The following CERS3 variants were observed in gnomAD, a reference collection of about 807,000 sequenced individuals.
CERS3 encodes the protein LAG1 homolog, ceramide synthase 3.
A neutral mutation model predicts 50.3 loss-of-function variants in CERS3; 33 were observed. That is an observed-to-expected ratio of 0.66 (90% confidence interval 0.50 to 0.88). The LOEUF (loss-of-function observed/expected upper bound fraction) is 0.88, where lower values mean the gene tolerates loss of function less well. Among genes scored for constraint, CERS3 ranks in the 40% least tolerant of loss-of-function variants. The probability of loss-of-function intolerance (pLI) is 0.00; values close to 1 mark genes in which losing one functional copy is unlikely to be tolerated. For synonymous variants in CERS3, 176 were observed against 155.2 expected (o/e 1.13, Z -0.99); for missense variants, 470 against 460.3 (o/e 1.02, Z -0.19).
chr15:100,519,172 A>G (rs1044899376), intron 2 of CERS3, among the ~76,000 whole-genome samples: 2 of 146,572 alleles, frequency 1.4e-5, no homozygotes, highest in Non-Finnish European at 3.0e-5. Flanking sequence ...AAAAAAAAAA[A>G]TCCGCCAAAA....
intron 3 of CERS3, 72 bp downstream of exon 3, chr15:100,501,605 G>T: frequency 7.6e-7 from 1 of 1,320,910 alleles, no homozygotes; most frequent in Non-Finnish European, 1.1e-6. Flanking sequence ...ATCTCACTAA[G>T]CCTAAGACTG....
At chr15:100,489,300 G>A (rs2035580791) in intron 4 of CERS3, among the ~76,000 whole-genome samples, 2 of 152,164 alleles carry the variant, frequency 1.3e-5, no homozygotes, top group East Asian at 1.9e-4. Flanking sequence ...CCACTCATTA[G>A]CCGAACGACC....
intron 7 of CERS3, among the ~76,000 whole-genome samples, chr15:100,479,186 A>G (rs2035225124): frequency 2.0e-5 from 3 of 152,166 alleles, no homozygotes; most frequent in Non-Finnish European, 4.4e-5. Flanking sequence ...AGGTGGTACA[A>G]GTAAAAAATA....
intron 11 of CERS3, among the ~76,000 whole-genome samples, chr15:100,430,156 C>T (rs1567608376): frequency 6.6e-6 from 1 of 151,752 alleles, no homozygotes; most frequent in Non-Finnish European, 1.5e-5. Context: ...ACTAAAAATA[C>T]AAAAAGTTAG....
intron 11 of CERS3, among the ~76,000 whole-genome samples, chr15:100,407,824 G>C (rs947346483): frequency 6.6e-6 from 1 of 152,082 alleles, no homozygotes; most frequent in African/African-American, 2.4e-5. Context: ...GCAGTGTGTA[G>C]GTTACATGCA....
chr15:100,506,461 ACCCCCCCG>A (rs2036184703), intron 2 of CERS3, among the ~76,000 whole-genome samples: 1 of 30,410 alleles, frequency 3.3e-5, no homozygotes, highest in Non-Finnish European at 9.1e-5. Flanking sequence ...AGAAATCGGG[ACCCCCCCG>A]CCGCCCCACA....
At chr15:100,486,025 C>T (rs1170358777) in intron 4 of CERS3, among the ~76,000 whole-genome samples, 2 of 152,170 alleles carry the variant, frequency 1.3e-5, no homozygotes, top group Non-Finnish European at 2.9e-5. Context: ...ACATCATGTC[C>T]CAAAAGGCCA....
chr15:100,427,005 G>A (rs529269474), intron 11 of CERS3, among the ~76,000 whole-genome samples: 2 of 152,298 alleles, frequency 1.3e-5, no homozygotes, highest in South Asian at 2.1e-4. Context: ...CAATGTCCAA[G>A]CTATATCAGA....
intron 1 of CERS3, chr15:100,544,498 T>TGCGCGGGGACACGGGCCCTCTCTC (rs2037307275): frequency 6.7e-6 from 1 of 148,692 alleles, no homozygotes; most frequent in Non-Finnish European, 1.5e-5. Context: ...GGCCTCGACC[T>TGCGCGGGGACACGGGCCCTCTCTC]GGGCCTGCGC....
intron 2 of CERS3, among the ~76,000 whole-genome samples, chr15:100,504,305 G>A (rs931743308): frequency 6.1e-5 from 9 of 148,178 alleles, no homozygotes; most frequent in Non-Finnish European, 5.9e-5. Context: ...GTGCAATGGC[G>A]TGATCTCGGC....
upstream of CERS3, among the ~76,000 whole-genome samples, chr15:100,532,108 C>T (rs985588294): frequency 4.6e-5 from 7 of 152,100 alleles, no homozygotes; most frequent in South Asian, 2.1e-4. Context: ...TGAGTCTGGG[C>T]GCCAGCAGCA....
chr15:100,530,045 C>G (rs8027038), upstream of CERS3, among the ~76,000 whole-genome samples: 1 of 152,032 alleles, frequency 6.6e-6, no homozygotes, highest in Non-Finnish European at 1.5e-5. Context: ...CAGGGCTTCC[C>G]GGTCTGCCTT....
At chr15:100,410,447 T>G (rs1189580290) in intron 11 of CERS3, among the ~76,000 whole-genome samples, 2 of 152,142 alleles carry the variant, frequency 1.3e-5, no homozygotes, top group Non-Finnish European at 2.9e-5. Context: ...CAGGAGAAAC[T>G]GAAAACCCTG....
At chr15:100,463,714 C>T (rs1026683546) in intron 10 of CERS3, among the ~76,000 whole-genome samples, 4 of 152,150 alleles carry the variant, frequency 2.6e-5, no homozygotes, top group African/African-American at 9.7e-5. Flanking sequence ...AAGTCTAGTT[C>T]TGAGATACAT....
chr15:100,541,480 A>G (rs1296272820), intron 1 of CERS3, among the ~76,000 whole-genome samples: 3 of 152,202 alleles, frequency 2.0e-5, no homozygotes, highest in Non-Finnish European at 2.9e-5. Flanking sequence ...TTAAAAAAAA[A>G]AAGTGTTCCT....
chr15:100,470,767 A>G (rs1313030567), intron 9 of CERS3, among the ~76,000 whole-genome samples: 2 of 152,198 alleles, frequency 1.3e-5, no homozygotes, highest in African/African-American at 4.8e-5. Flanking sequence ...GACCATGTGG[A>G]AACTTAGAGG....
intron 1 of CERS3, among the ~76,000 whole-genome samples, chr15:100,523,846 A>G (rs900340162): frequency 5.9e-5 from 9 of 152,210 alleles, no homozygotes; most frequent in Non-Finnish European, 1.2e-4. Context: ...CAGGTACTCA[A>G]TAGCCACATG....
intron 11 of CERS3, among the ~76,000 whole-genome samples, chr15:100,432,670 A>G (rs982776151): frequency 7.2e-5 from 11 of 152,320 alleles, no homozygotes; most frequent in African/African-American, 2.6e-4. Context: ...ATAGAACAAG[A>G]GAGTGATGAG....
intron 11 of CERS3, chr15:100,437,998 T>A (rs1052523700): frequency 6.6e-5 from 10 of 151,862 alleles, no homozygotes; most frequent in African/African-American, 2.2e-4. Flanking sequence ...CATTTTAATC[T>A]ATGATCTTGA....
Sources: gnomAD v4.1 joint callset for allele counts (sites outside exome capture counted in the v4.1 genomes callset) on GRCh38, gnomAD v4.1.1 for gene constraint, MANE v1.5 for transcripts, NCBI Gene and HGNC (gene_info 2026-07-23, HGNC 2026-07-21) for gene names.